Variants in OPCML observed in about 807,000 individuals in gnomAD.
The protein encoded by OPCML is opioid binding protein/cell adhesion molecule like, also known as opioid-binding protein/cell adhesion molecule.
Under a neutral mutation model 37.8 loss-of-function variants are expected in OPCML, and 13 were observed. That is an observed-to-expected ratio of 0.34 (90% CI 0.22 to 0.55). OPCML has a LOEUF of 0.55. OPCML is among the 20% of genes least tolerant of loss of function. OPCML has a pLI of 0.91. For synonymous variants in OPCML, 176 were observed against 168.8 expected, an observed-to-expected ratio of 1.04 and a Z score of -0.33; for missense variants, 341 against 435.6, an observed-to-expected ratio of 0.78 and a Z score of 1.93.
At chr11:133,243,200 G>C (rs77761574) in intron 1 of OPCML, among the ~76,000 whole-genome samples, 1 of 152,144 alleles carries the variant, frequency 6.6e-6, no homozygotes, top group African/African-American at 2.4e-5. Flanking sequence ...CAGTTACAAC[G>C]CTGAAAGAAT....
intron 2 of OPCML, among the ~76,000 whole-genome samples, chr11:132,735,249 C>T (rs145466181): frequency 2.0e-5 from 3 of 151,970 alleles, no homozygotes; most frequent in African/African-American, 7.2e-5. Flanking sequence ...GACATTAAAC[C>T]GAGAGTGTAG....
chr11:132,600,957 C>T (rs1937839016), intron 3 of OPCML, among the ~76,000 whole-genome samples: 1 of 148,058 alleles, frequency 6.8e-6, no homozygotes, highest in Admixed American at 7.0e-5. Flanking sequence ...TCCTGAGTAG[C>T]TGGGATTACA....
intron 2 of OPCML, among the ~76,000 whole-genome samples, chr11:132,862,485 A>C (rs895319143): frequency 6.6e-6 from 1 of 151,852 alleles, no homozygotes. Flanking sequence ...TCTATACGAA[A>C]AAAAAAAAAA....
chr11:133,516,300 T>C (rs762643295), intron 1 of OPCML, among the ~76,000 whole-genome samples: 2 of 152,170 alleles, frequency 1.3e-5, no homozygotes, highest in Non-Finnish European at 2.9e-5. Context: ...CTGCGTTCTG[T>C]TATGGCCAGA....
At chr11:132,662,956 G>A (rs1165859732) in intron 2 of OPCML, among the ~76,000 whole-genome samples, 2 of 152,202 alleles carry the variant, frequency 1.3e-5, no homozygotes, top group African/African-American at 4.8e-5. Flanking sequence ...TAAACTGAGA[G>A]TTAACTAGAA....
At chr11:133,394,220 T>G (rs951160726) in intron 1 of OPCML, among the ~76,000 whole-genome samples, 2 of 152,216 alleles carry the variant, frequency 1.3e-5, no homozygotes, top group Non-Finnish European at 2.9e-5. Flanking sequence ...CAAATTATGT[T>G]AACAAAAATA....
chr11:133,140,887 G>GGAGAAGGAGAAGGAGAAGGAGA, intron 1 of OPCML, among the ~76,000 whole-genome samples: 1 of 28,232 alleles, frequency 3.5e-5, no homozygotes, highest in African/African-American at 6.3e-5. Flanking sequence ...AGACGACGAC[G>GGAGAAGGAGAAGGAGAAGGAGA]ACGACGAAGA....
chr11:133,500,659 G>A (rs994345169), intron 1 of OPCML, among the ~76,000 whole-genome samples: 1 of 152,196 alleles, frequency 6.6e-6, no homozygotes, highest in Non-Finnish European at 1.5e-5. Context: ...TGCACGGGGA[G>A]AATTACCCGG....
intron 1 of OPCML, among the ~76,000 whole-genome samples, chr11:133,347,555 T>C (rs1323635689): frequency 6.6e-6 from 1 of 152,168 alleles, no homozygotes; most frequent in African/African-American, 2.4e-5. Flanking sequence ...GAATTTACTA[T>C]CCACTGAGAC....
chr11:132,794,002 C>T (rs1190351295), intron 2 of OPCML, among the ~76,000 whole-genome samples: 1 of 152,236 alleles, frequency 6.6e-6, no homozygotes, highest in African/African-American at 2.4e-5. Context: ...GGTGCTCAGG[C>T]ACCAGTTTCC....
At chr11:132,859,243 T>C (rs530023044) in intron 2 of OPCML, 4 of 152,348 alleles carry the variant, frequency 2.6e-5, no homozygotes, top group African/African-American at 9.6e-5. Flanking sequence ...TGAAGAAGCA[T>C]GCATACCTTG....
intron 1 of OPCML, among the ~76,000 whole-genome samples, chr11:133,082,210 TC>T (rs1948733098): frequency 6.6e-6 from 1 of 151,230 alleles, no homozygotes; most frequent in Non-Finnish European, 1.5e-5. Context: ...GAGCCCCGCG[TC>T]CGCACGACCC....
intron 2 of OPCML, among the ~76,000 whole-genome samples, chr11:132,761,122 G>T (rs1391464655): frequency 6.6e-6 from 1 of 151,984 alleles, no homozygotes; most frequent in Non-Finnish European, 1.5e-5. Flanking sequence ...GTTGAATATT[G>T]GCCCCCACTC....
chr11:133,455,761 T>C (rs1946660967), intron 1 of OPCML, among the ~76,000 whole-genome samples: 1 of 152,160 alleles, frequency 6.6e-6, no homozygotes, highest in Admixed American at 6.5e-5. Flanking sequence ...TCTGCAGATA[T>C]ACTAAAATGA....
chr11:133,258,421 G>A (rs1341926902), intron 1 of OPCML, among the ~76,000 whole-genome samples: 1 of 152,186 alleles, frequency 6.6e-6, no homozygotes, highest in Non-Finnish European at 1.5e-5. Context: ...GGTGAAGGAA[G>A]AAGGGAAGGC....
At chr11:133,251,696 T>G (rs973556600) in intron 1 of OPCML, among the ~76,000 whole-genome samples, 1 of 152,146 alleles carries the variant, frequency 6.6e-6, no homozygotes, top group Non-Finnish European at 1.5e-5. Flanking sequence ...TCAAAGAGTC[T>G]GTCAAAATCC....
chr11:133,157,836 C>T (rs1950083380), intron 1 of OPCML, among the ~76,000 whole-genome samples: 1 of 152,202 alleles, frequency 6.6e-6, no homozygotes. Flanking sequence ...CCCCATACTA[C>T]CTCCTCTTCT....
At chr11:133,280,089 G>T (rs962394504) in intron 1 of OPCML, among the ~76,000 whole-genome samples, 2 of 152,184 alleles carry the variant, frequency 1.3e-5, no homozygotes, top group Admixed American at 6.5e-5. Flanking sequence ...GCAGAGTGAA[G>T]ATGGATATGG....
At chr11:133,505,547 C>A (rs1439619186) in intron 1 of OPCML, among the ~76,000 whole-genome samples, 4 of 152,198 alleles carry the variant, frequency 2.6e-5, no homozygotes, top group Admixed American at 2.6e-4. Flanking sequence ...TTCTCTCCCC[C>A]ACACCATCTT....
Sources: allele counts gnomAD v4.1 joint callset (sites outside exome capture counted in the v4.1 genomes callset), GRCh38; gene constraint gnomAD v4.1.1; transcripts MANE v1.5; gene names NCBI Gene and HGNC (gene_info 2026-07-23, HGNC 2026-07-21).